The following PLA2G4A variants were observed in gnomAD, a reference collection of about 807,000 sequenced individuals.
The protein encoded by PLA2G4A is cytosolic phospholipase A2.
A neutral mutation model predicts 81.9 loss-of-function variants in PLA2G4A; 40 were observed. That is an observed-to-expected ratio of 0.49 (90% CI 0.38 to 0.64). The LOEUF is 0.64. Among genes scored for constraint, PLA2G4A ranks in the 30% least tolerant of loss-of-function variants. PLA2G4A has a pLI of 0.00. For missense variants in PLA2G4A, 715 were observed against 905.1 expected, an observed-to-expected ratio of 0.79 and a Z score of 2.69; for synonymous variants, 302 against 296.9, an observed-to-expected ratio of 1.02 and a Z score of -0.18.
chr1:186,948,526 AAAAAG>A (rs1302162655), intron 12 of PLA2G4A, among the ~76,000 whole-genome samples: 3 of 152,098 alleles, frequency 2.0e-5, no homozygotes, highest in East Asian at 1.9e-4. Context: ...GAAAAAAAAA[AAAAAG>A]AAGAAGAAAG....
At chr1:186,910,513 A>C (rs946417031) in intron 6 of PLA2G4A, among the ~76,000 whole-genome samples, 9 of 152,104 alleles carry the variant, frequency 5.9e-5, no homozygotes, top group African/African-American at 2.2e-4. Context: ...TTAGTTTTCT[A>C]ATTTATAAAG....
intron 3 of PLA2G4A, among the ~76,000 whole-genome samples, chr1:186,874,379 G>GA (rs5779306): frequency 0.94 from 143,179 of 152,102 alleles, 67,495 homozygotes; most frequent in East Asian, 1. Flanking sequence ...GCTTCTTTTA[G>GA]AAGTGTTGGG....
intron 2 of PLA2G4A, among the ~76,000 whole-genome samples, chr1:186,860,935 G>A (rs1375101711): frequency 4.6e-5 from 7 of 151,964 alleles, no homozygotes; most frequent in East Asian, 1.9e-4. Flanking sequence ...CTTGAACATC[G>A]TAAGTATAGT....
chr1:186,840,091 C>T (rs1278673255), intron 1 of PLA2G4A, among the ~76,000 whole-genome samples: 7 of 148,034 alleles, frequency 4.7e-5, no homozygotes, highest in Non-Finnish European at 8.9e-5. Flanking sequence ...TTCTGCCTCT[C>T]CTGTAATCCC....
chr1:186,950,754 C>A (rs367884652), intron 13 of PLA2G4A, 26 bp downstream of exon 13: 21 of 1,321,902 alleles, frequency 1.6e-5, no homozygotes, highest in Middle Eastern at 1.8e-4. Flanking sequence ...ACTTTTCTGG[C>A]CCAGATCCAT....
chr1:186,897,753 C>T (rs938591562), intron 5 of PLA2G4A, among the ~76,000 whole-genome samples: 1 of 152,198 alleles, frequency 6.6e-6, no homozygotes, highest in Non-Finnish European at 1.5e-5. Context: ...AAGTTATCCT[C>T]CTGCCTCAGC....
intron 1 of PLA2G4A, among the ~76,000 whole-genome samples, chr1:186,830,936 AGCTTGCTT>A (rs148614012): frequency 0.033 from 4,206 of 126,894 alleles, 105 homozygotes; most frequent in East Asian, 0.047. Context: ...CAGATTGTAT[AGCTTGCTT>A]GCTTGCTTGC....
At chr1:186,903,160 C>A (rs144157245) in intron 5 of PLA2G4A, among the ~76,000 whole-genome samples, 20 of 151,466 alleles carry the variant, frequency 1.3e-4, no homozygotes, top group African/African-American at 4.8e-4. Context: ...ATGGATAAAG[C>A]AGAACATATT....
chr1:186,845,836 T>C (rs1652151177), intron 1 of PLA2G4A, among the ~76,000 whole-genome samples: 1 of 152,172 alleles, frequency 6.6e-6, no homozygotes, highest in African/African-American at 2.4e-5. Context: ...ACAGTTACAT[T>C]GCATCGGGAA....
At chr1:186,839,166 A>G (rs1433505810) in intron 1 of PLA2G4A, among the ~76,000 whole-genome samples, 2 of 152,212 alleles carry the variant, frequency 1.3e-5, no homozygotes, top group Non-Finnish European at 1.5e-5. Flanking sequence ...AGGCTCCTCC[A>G]TGGGTGGAAG....
intron 7 of PLA2G4A, among the ~76,000 whole-genome samples, chr1:186,918,218 G>A (rs559961768): frequency 3.9e-5 from 6 of 152,294 alleles, no homozygotes; most frequent in South Asian, 2.1e-4. Context: ...GAATCAGGTC[G>A]AGAGTTTCTT....
At chr1:186,980,073 G>T (rs1657669941) in intron 17 of PLA2G4A, among the ~76,000 whole-genome samples, 1 of 146,706 alleles carries the variant, frequency 6.8e-6, no homozygotes, top group Non-Finnish European at 1.5e-5. Context: ...TCAGCCTCCC[G>T]AGTAGCTGGG....
At chr1:186,874,984 C>T (rs960652447) in intron 3 of PLA2G4A, among the ~76,000 whole-genome samples, 2 of 152,048 alleles carry the variant, frequency 1.3e-5, no homozygotes, top group Admixed American at 6.6e-5. Flanking sequence ...CCTAATCTTC[C>T]ACAAACAGTG....
chr1:186,899,700 A>G (rs72709853), intron 5 of PLA2G4A, among the ~76,000 whole-genome samples: 7,074 of 152,250 alleles, frequency 0.046, 222 homozygotes, highest in Middle Eastern at 0.1. Context: ...GTAATGGGGA[A>G]CTGAGAGGGA....
intron 1 of PLA2G4A, among the ~76,000 whole-genome samples, chr1:186,839,222 G>A (rs891205817): frequency 6.6e-6 from 1 of 152,220 alleles, no homozygotes; most frequent in Non-Finnish European, 1.5e-5. Flanking sequence ...TGAGAAGAGA[G>A]AGTGTTTTTT....
At chr1:186,862,019 A>G (rs1652820700) in intron 2 of PLA2G4A, among the ~76,000 whole-genome samples, 3 of 149,872 alleles carry the variant, frequency 2.0e-5, no homozygotes, top group African/African-American at 7.3e-5. Flanking sequence ...TATTATTAAC[A>G]TGAGTGTAGA....
At chr1:186,852,367 T>C (rs1652407249) in intron 1 of PLA2G4A, among the ~76,000 whole-genome samples, 1 of 151,964 alleles carries the variant, frequency 6.6e-6, no homozygotes, top group South Asian at 2.1e-4. Flanking sequence ...TTACTAACAA[T>C]AGCAGCCAGG....
Position 186,956,147 on chromosome 1 carries a change from A to C in PLA2G4A, c.1382A>C (p.Gln461Pro). The C allele has an allele frequency of 6.2e-7, 1 of 1,613,176 alleles. No individual in the cohort carries two copies. The highest frequency in any genetic ancestry group is 2.2e-5 in the East Asian group (1 of 44,858). ...GGAAGTGACTATCAAAGTGATAATC[A>C]AGCAAGTTGGATTCATCGTATGATA... The part of the protein sequence containing the change: ...DAGSDYQSDN[Q>P]ASWIHRMIMA... The change falls in exon 14 of 18, where the codon CAA becomes CCA. Residue 461 changes from glutamine to proline, a missense_variant. Transcript: ENST00000367466.
At chr1:186,935,430 A>G (rs1261893986) in intron 8 of PLA2G4A, among the ~76,000 whole-genome samples, 1 of 150,126 alleles carries the variant, frequency 6.7e-6, no homozygotes, top group Non-Finnish European at 1.5e-5. Flanking sequence ...TTCAGAATTT[A>G]AGAGAGTTGA....
Sources: gnomAD v4.1 joint callset for allele counts (sites outside exome capture counted in the v4.1 genomes callset) on GRCh38, gnomAD v4.1.1 for gene constraint, MANE v1.5 for transcripts, NCBI Gene and HGNC (gene_info 2026-07-23, HGNC 2026-07-21) for gene names.